Variants in TMCC2 observed in about 807,000 individuals in gnomAD.
The protein encoded by TMCC2 is transmembrane and coiled-coil domain family 2.
Under a neutral mutation model 49.4 loss-of-function variants are expected in TMCC2, and 16 were observed. The observed-to-expected ratio is 0.32, with a 90% CI of 0.22 to 0.49. TMCC2 has a LOEUF of 0.49. Ranked by LOEUF, TMCC2 falls within the 20% of genes least tolerant of loss-of-function variation. The pLI is 0.99. For synonymous variants in TMCC2, 397 were observed against 434.1 expected, an observed-to-expected ratio of 0.91 and a Z score of 1.06; for missense variants, 762 against 989.8, an observed-to-expected ratio of 0.77 and a Z score of 3.09.
chr1:205,241,287 G>T lies in TMCC2; in HGVS notation c.208-218G>T, dbSNP rs1077883. Among the ~76,000 whole-genome samples, 72,641 of 151,950 alleles carry T rather than the reference G, an allele frequency of 0.48. 20,057 individuals carry two copies. The highest frequency in any genetic ancestry group is 0.61 in the Non-Finnish European group (41,569 of 67,936). ...GAATGTCCCGTGGAAAACCGTGGGGGCACACTTCTTTCGGAATGAAAGGAT... is the reference window on the plus strand; with the variant it reads ...GAATGTCCCGTGGAAAACCGTGGGGTCACACTTCTTTCGGAATGAAAGGAT... On this transcript the variant is annotated intron_variant, in intron 1 of 4. Coordinates refer to ENST00000358024, the MANE Select transcript of TMCC2 (RefSeq NM_014858.4). The surrounding 1 kb of genome is among the most constrained non-coding windows in gnomAD (Gnocchi z 7.3).
At chr1:205,259,164 C>G (rs148549374) in intron 2 of TMCC2, among the ~76,000 whole-genome samples, 2 of 151,446 alleles carry the variant, frequency 1.3e-5, no homozygotes, top group African/African-American at 4.8e-5. Context: ...TAAAGGGAAG[C>G]ATAGGAACCC....
At position 205,269,273 on chromosome 1, in the gene TMCC2, C is replaced by A; in HGVS notation, c.1071C>A (p.Tyr357Ter). The A allele has an allele frequency of 1.2e-6, 2 of 1,613,780 alleles. No homozygotes were observed. The highest frequency in any genetic ancestry group is 8.5e-7 in the Non-Finnish European group (1 of 1,180,032). Reference protein sequence around the residue: ...IAQLHKKLEHYRRRLKEIEQN... With the variant: ...IAQLHKKLEH ...AGCTGCACAAGAAGCTGGAGCACTA[C>A]CGCCGGCGCCTGAAGGAGATTGAGC... Residue 357 changes from tyrosine (Y) to a stop codon, truncating the protein, a stop_gained, in exon 3 of 5, where the codon TAC (tyrosine) becomes TAA (stop). Transcript: ENST00000358024. LOFTEE classifies it high-confidence loss of function.
chr1:205,246,427 G>T, intron 2 of TMCC2: 1 of 1,266,966 alleles, frequency 7.9e-7, no homozygotes, highest in Non-Finnish European at 1.0e-6. Flanking sequence ...GAGTTCTGGG[G>T]AGAGATCCAA....
At chr1:205,236,333 A>G (rs1660047793) in intron 1 of TMCC2, among the ~76,000 whole-genome samples, 1 of 152,242 alleles carries the variant, frequency 6.6e-6, no homozygotes, top group Non-Finnish European at 1.5e-5. Context: ...AAACTGCAGC[A>G]GGAGAAATCT....
rs554323973 is a variant in TMCC2, at chr1:205,264,002, C to T, written c.748-4948C>T. ...TTACATCTGTAGGCCTTGGTTTTCT[C>T]TCCTGTAAAATGGAAATAATAGTGC... On this transcript the variant is annotated intron_variant, in intron 2 of 4. Coordinates refer to ENST00000358024, the MANE Select transcript of TMCC2 (RefSeq NM_014858.4). This position sits in a 1 kb window ranked among gnomAD's most constrained non-coding sequence, Gnocchi z 4.2. Among the ~76,000 whole-genome samples, 19 of 152,308 alleles carry T rather than the reference C, an allele frequency of 1.2e-4. No individual in the cohort carries two copies. The South Asian group carries it at 3.9e-3, about 32-fold the overall frequency.
intron 4 of TMCC2, 164 bp downstream of exon 4, chr1:205,271,419 G>A: frequency 3.4e-6 from 4 of 1,192,290 alleles, no homozygotes; most frequent in Admixed American, 2.0e-5. Flanking sequence ...GGAGCGGAGT[G>A]GAGTGAGCAA....
Position 205,264,359 on chromosome 1 carries a change from C to CT in TMCC2, c.748-4591_748-4590insT, listed in dbSNP as rs1459213724. Among the ~76,000 whole-genome samples, 3 of 152,204 alleles carry CT rather than the reference C, an allele frequency of 2.0e-5. No individual in the cohort carries two copies. The highest frequency in any genetic ancestry group is 4.4e-5 in the Non-Finnish European group (3 of 68,046). ...TGTTTTTGAGACGGAGTCTCTGTCACCCAGGCTGGAGTGCAGTGGTGCAGT... is the reference window on the plus strand; with the variant it reads ...TGTTTTTGAGACGGAGTCTCTGTCACTCCAGGCTGGAGTGCAGTGGTGCAGT... On this transcript the variant is annotated intron_variant, in intron 2 of 4. Coordinates refer to ENST00000358024, the MANE Select transcript of TMCC2 (RefSeq NM_014858.4). This position sits in a 1 kb window ranked among gnomAD's most constrained non-coding sequence, Gnocchi z 4.2.
chr1:205,247,916 C>T (rs926252519), intron 2 of TMCC2, among the ~76,000 whole-genome samples: 2 of 151,988 alleles, frequency 1.3e-5, no homozygotes, highest in African/African-American at 4.8e-5. Context: ...CACCCCAGCC[C>T]CACCCCAAGA....
At chr1:205,256,061 T>G in intron 2 of TMCC2, 1 of 512,056 alleles carries the variant, frequency 2.0e-6, no homozygotes, top group Non-Finnish European at 3.3e-6. Flanking sequence ...TCAGTGATTT[T>G]GGCCTGCAAG....
rs921743333 is a variant in TMCC2 at position 205,229,552 on chromosome 1, G to C, written c.207+781G>C. 2.9e-5 allele frequency: 20 copies of C among 697,590 alleles called. 1 individual carries two copies. The South Asian group carries it at 3.5e-4, about 12-fold the overall frequency. 43.2% of individuals were successfully genotyped at this position (697,590 alleles called of 1,614,324 possible). On this transcript the variant is annotated intron_variant, in intron 1 of 4. Transcript: ENST00000358024. ...TGCCGATCTGTGAAGGGGCGGGGGG[G>C]GGGGGGTGGTGGCGGGGGCGGGGGG...
chr1:205,233,445 T>G (rs1388755154), intron 1 of TMCC2, among the ~76,000 whole-genome samples: 1 of 152,142 alleles, frequency 6.6e-6, no homozygotes, highest in Non-Finnish European at 1.5e-5. Context: ...GAAAGATAAT[T>G]CGAAGCCAGA....
rs371481177 is a variant in TMCC2 at position 205,271,893 on chromosome 1, C to T, written c.1899C>T (p.Gly633=). Residue 633 remains glycine, a synonymous_variant, in exon 5 of 5, where the codon GGC becomes GGT. Transcript: ENST00000358024. ...AGCAGCAGGTGGTACAGCTGGAGGG[C>T]GTGGAGAATGCCAACGCGCGGGCGC... ...QQQQQVVQLE[G]VENANARALL... 34 of 1,614,120 alleles carry T rather than the reference C, an allele frequency of 2.1e-5. No homozygotes were observed. The highest frequency in any genetic ancestry group is 6.7e-5 in the East Asian group (3 of 44,876).
At chr1:205,232,770 A>G (rs1659850877) in intron 1 of TMCC2, among the ~76,000 whole-genome samples, 1 of 151,808 alleles carries the variant, frequency 6.6e-6, no homozygotes, top group Non-Finnish European at 1.5e-5. Context: ...TCCTGTCTCT[A>G]CTAAAAATAC....
chr1:205,233,953 G>A (rs1002289119), intron 1 of TMCC2: 6 of 151,986 alleles, frequency 3.9e-5, no homozygotes, highest in African/African-American at 1.2e-4. Context: ...TCATAAGAAC[G>A]TAGGTGGAAT....
chr1:205,235,375 C>A (rs1440882592), intron 1 of TMCC2, among the ~76,000 whole-genome samples: 2 of 152,230 alleles, frequency 1.3e-5, no homozygotes, highest in Non-Finnish European at 2.9e-5. Flanking sequence ...TCAGTATTTA[C>A]AGAATGTGCT....
chr1:205,235,125 T>A (rs1659983897), intron 1 of TMCC2, among the ~76,000 whole-genome samples: 1 of 152,104 alleles, frequency 6.6e-6, no homozygotes, highest in Non-Finnish European at 1.5e-5. Flanking sequence ...AAGTTAACTG[T>A]TTTGTCCCGC....
Position 205,252,978 on chromosome 1 carries a change from A to C in TMCC2, c.747+10934A>C, listed in dbSNP as rs114162060. ...TCTCTTAAAAAAAAAAAATAATAAT[A>C]ATAAAACTAGCTGAGTGTGGTGACA... On this transcript the variant is annotated intron_variant, in intron 2 of 4. Coordinates refer to ENST00000358024, the MANE Select transcript of TMCC2 (RefSeq NM_014858.4). 9.8e-3 allele frequency among the ~76,000 whole-genome samples: 1,483 copies of C among 151,804 alleles called. 21 individuals are homozygous for C. Among genetic ancestry groups the C allele is most frequent in the African/African-American group, 0.034 (1,395 of 41,396 alleles).
chr1:205,268,751 A>C (rs1661449567), intron 2 of TMCC2, among the ~76,000 whole-genome samples, 199 bp from the exon 3 acceptor site: 1 of 152,060 alleles, frequency 6.6e-6, no homozygotes, highest in Non-Finnish European at 1.5e-5. Context: ...CATTTTGGGG[A>C]TGCTGTGGGG....
rs78966833 is a variant in TMCC2, at chr1:205,228,311, G to A, written c.-254G>A. 0.023 allele frequency: 9,021 copies of A among 385,170 alleles called. 162 individuals are homozygous for A. The highest frequency in any genetic ancestry group is 0.06 in the East Asian group (1,464 of 24,432). 23.9% of individuals were successfully genotyped at this position (385,170 alleles called of 1,614,324 possible). On this transcript the variant is annotated 5_prime_UTR_variant, in exon 1 of 5. Coordinates refer to ENST00000358024, the MANE Select transcript of TMCC2 (RefSeq NM_014858.4). ...ACTGCCCAAGGACTCTTGCTGCCCA[G>A]CCTCGACTGTGACCTGTCTTCGCTC...
Sources: gnomAD v4.1 joint callset for allele counts (sites outside exome capture counted in the v4.1 genomes callset) on GRCh38, gnomAD v4.1.1 for gene constraint, Gnocchi (gnomAD v3.1) non-coding constraint, MANE v1.5 for transcripts, NCBI Gene and HGNC (gene_info 2026-07-23, HGNC 2026-07-21) for gene names.